Variants in LIMS1 observed in about 807,000 individuals in gnomAD.
LIMS1 encodes the protein LIM zinc finger domain containing 1.
LIMS1 carries 18 observed loss-of-function variants against 44.1 expected under a neutral mutation model. That is an observed-to-expected ratio of 0.41 (90% CI 0.28 to 0.61). LIMS1 has a LOEUF of 0.61. Among genes scored for constraint, LIMS1 ranks in the 20% least tolerant of loss-of-function variants. LIMS1 has a pLI of 0.32. For missense variants in LIMS1, 201 were observed against 422.0 expected, an observed-to-expected ratio of 0.48 and a Z score of 4.59; for synonymous variants, 93 against 149.1, an observed-to-expected ratio of 0.62 and a Z score of 2.74.
intron 1 of LIMS1, among the ~76,000 whole-genome samples, chr2:108,606,983 T>C (rs913657327): frequency 1.3e-5 from 2 of 152,264 alleles, no homozygotes; most frequent in African/African-American, 4.8e-5. Flanking sequence ...ACCATGCTGC[T>C]GTGGTCTGAA....
chr2:108,674,585 G>C (rs1573614302), intron 5 of LIMS1, among the ~76,000 whole-genome samples: 1 of 150,706 alleles, frequency 6.6e-6, no homozygotes, highest in South Asian at 2.1e-4. Flanking sequence ...GCCAGGCGTG[G>C]TGGTGGGTGC....
At chr2:108,570,368 T>A (rs530566492) in intron 1 of LIMS1, among the ~76,000 whole-genome samples, 13 of 149,210 alleles carry the variant, frequency 8.7e-5, no homozygotes, top group African/African-American at 3.2e-4. Flanking sequence ...AGGTGGAGGT[T>A]GCAGTGAGCC....
chr2:108,633,611 A>G (rs12468001), intron 1 of LIMS1, among the ~76,000 whole-genome samples: 54,795 of 152,010 alleles, frequency 0.36, 11,806 homozygotes, highest in East Asian at 0.88. Context: ...TTGCTTTTTC[A>G]TTTATGAGCT....
At chr2:108,562,490 G>A (rs188265358) in intron 1 of LIMS1, among the ~76,000 whole-genome samples, 1 of 152,282 alleles carries the variant, frequency 6.6e-6, no homozygotes, top group East Asian at 1.9e-4. Context: ...CTGATACAGG[G>A]AAAGTTTTAG....
At chr2:108,605,110 G>A (rs193176318) in intron 1 of LIMS1, among the ~76,000 whole-genome samples, 157 of 152,324 alleles carry the variant, frequency 1.0e-3, no homozygotes, top group African/African-American at 3.7e-3. Flanking sequence ...TGACCTGAGA[G>A]CTAGAGATGC....
At chr2:108,578,623 T>G (rs866900720) in intron 1 of LIMS1, among the ~76,000 whole-genome samples, 19 of 139,334 alleles carry the variant, frequency 1.4e-4, no homozygotes, top group South Asian at 1.2e-3. Flanking sequence ...AGACGGAGTC[T>G]CTCACTGTGG....
intron 1 of LIMS1, chr2:108,621,493 A>C: frequency 6.8e-5 from 99 of 1,463,900 alleles, no homozygotes; most frequent in Middle Eastern, 1.7e-4. Context: ...GCTAAAGGTC[A>C]AGACATCTAA....
intron 1 of LIMS1, among the ~76,000 whole-genome samples, chr2:108,546,269 C>CTT (rs35959257): frequency 0.047 from 4,271 of 90,756 alleles, 476 homozygotes; most frequent in South Asian, 0.13. Flanking sequence ...AGGCTACCGC[C>CTT]TTTTTTTTTT....
intron 1 of LIMS1, among the ~76,000 whole-genome samples, chr2:108,653,327 GTAAC>G (rs1690628842): frequency 1.3e-5 from 2 of 149,348 alleles, no homozygotes; most frequent in Admixed American, 1.3e-4. Context: ...TTCTTCATTT[GTAAC>G]TAACACCTAT....
chr2:108,623,592 G>T (rs975114869), intron 1 of LIMS1, among the ~76,000 whole-genome samples: 4 of 152,132 alleles, frequency 2.6e-5, no homozygotes, highest in South Asian at 2.1e-4. Flanking sequence ...ATACAGTGAG[G>T]AATAAGACAC....
intron 1 of LIMS1, among the ~76,000 whole-genome samples, chr2:108,543,221 A>C (rs1012384887): frequency 6.6e-5 from 10 of 152,304 alleles, no homozygotes; most frequent in African/African-American, 2.4e-4. Flanking sequence ...GCTTGAGCCC[A>C]GGAGTTCAAG....
chr2:108,643,588 G>GT (rs70956267), intron 1 of LIMS1, among the ~76,000 whole-genome samples: 50,239 of 150,036 alleles, frequency 0.33, 8,996 homozygotes, highest in Middle Eastern at 0.51. Flanking sequence ...GAGCTAGCCA[G>GT]TTTTTTTTTT....
rs924101514 is a variant in LIMS1 at position 108,634,074 on chromosome 2, G to A, written c.33-25531G>A. Among the ~76,000 whole-genome samples the A allele has an allele frequency of 3.3e-5, 5 of 152,326 alleles. No individual in the cohort carries two copies. In the East Asian group the frequency reaches 7.7e-4, roughly 23 times the overall value. ...TTTGTGGCTCCAAAGGAAAGAGGAG[G>A]GAGGATTGTCCTCAAAGACTCTTAC... On this transcript the variant is annotated intron_variant, in intron 1 of 9. Transcript: ENST00000544547.
chr2:108,669,266 G>A (rs372167964), intron 2 of LIMS1, among the ~76,000 whole-genome samples: 11 of 152,200 alleles, frequency 7.2e-5, no homozygotes, highest in African/African-American at 2.6e-4. Context: ...AAATTAGCTG[G>A]ACATGGTGGT....
At chr2:108,674,635 G>A (rs1692388936) in intron 5 of LIMS1, among the ~76,000 whole-genome samples, 1 of 144,036 alleles carries the variant, frequency 6.9e-6, no homozygotes, top group South Asian at 2.3e-4. Context: ...GCAGGAGAAT[G>A]GCATGAACCT....
intron 6 of LIMS1, 137 bp downstream of exon 6, chr2:108,676,165 T>A (rs543145770): frequency 1.8e-6 from 2 of 1,138,986 alleles, no homozygotes; most frequent in South Asian, 3.3e-5. Context: ...CCTGGCAAGA[T>A]TAGGAGACTC....
chr2:108,680,061 T>TA (rs797018101), intron 8 of LIMS1, among the ~76,000 whole-genome samples: 15 of 151,474 alleles, frequency 9.9e-5, no homozygotes, highest in African/African-American at 3.4e-4. Flanking sequence ...CGTGTCTCTA[T>TA]AAAAAATACA....
chr2:108,635,438 A>AAG (rs1689177084), intron 1 of LIMS1, among the ~76,000 whole-genome samples: 1 of 150,284 alleles, frequency 6.7e-6, no homozygotes, highest in East Asian at 2.0e-4. Flanking sequence ...CTAAAAAAAA[A>AAG]AAAAAAAAAA....
At chr2:108,564,576 C>T (rs1199341153) in intron 1 of LIMS1, among the ~76,000 whole-genome samples, 1 of 152,072 alleles carries the variant, frequency 6.6e-6, no homozygotes, top group African/African-American at 2.4e-5. Flanking sequence ...GCCGGTGTTG[C>T]ACTTCAAGTC....
Sources: gnomAD v4.1 joint callset for allele counts (sites outside exome capture counted in the v4.1 genomes callset) on GRCh38, gnomAD v4.1.1 for gene constraint, MANE v1.5 for transcripts, NCBI Gene and HGNC (gene_info 2026-07-23, HGNC 2026-07-21) for gene names.